Variants in POC1A observed in about 807,000 individuals in gnomAD.
POC1A encodes the protein POC1 centriolar protein A.
Under a neutral mutation model 47.8 loss-of-function variants are expected in POC1A, and 34 were observed. The ratio of observed to expected loss-of-function variants is 0.71; its 90% confidence interval spans 0.54 to 0.95. The LOEUF (loss-of-function observed/expected upper bound fraction) is 0.95. Ranked by LOEUF, POC1A falls within the 40% of genes least tolerant of loss-of-function variation. POC1A has a pLI of 0.00. For synonymous variants in POC1A, 177 were observed against 207.6 expected, an observed-to-expected ratio of 0.85 and a Z score of 1.27; for missense variants, 466 against 528.3, an observed-to-expected ratio of 0.88 and a Z score of 1.16.
At chr3:52,151,190 T>C in intron 1 of POC1A, 90 bp from the exon 2 acceptor site, 3 of 1,577,912 alleles carry the variant, frequency 1.9e-6, no homozygotes, top group Non-Finnish European at 2.6e-6. Flanking sequence ...GCCGGGGGAG[T>C]AGGGTTAAAA....
chr3:52,144,994 T>G (rs1416544326), intron 6 of POC1A, among the ~76,000 whole-genome samples: 1 of 152,108 alleles, frequency 6.6e-6, no homozygotes, highest in Non-Finnish European at 1.5e-5. Context: ...ACAACCACGG[T>G]TCTTCAAACA....
intron 7 of POC1A, among the ~76,000 whole-genome samples, chr3:52,130,455 T>A (rs1704171282): frequency 1.3e-5 from 2 of 152,224 alleles, no homozygotes; most frequent in African/African-American, 4.8e-5. Flanking sequence ...GAGGCCATCA[T>A]AACTCCACAG....
intron 9 of POC1A, among the ~76,000 whole-genome samples, chr3:52,122,028 C>G (rs1703797392): frequency 6.6e-6 from 1 of 152,184 alleles, no homozygotes; most frequent in South Asian, 2.1e-4. Flanking sequence ...CTAGGAGCCC[C>G]ACGTTTGGGT....
At chr3:52,136,283 C>A (rs1188414784) in intron 7 of POC1A, among the ~76,000 whole-genome samples, 2 of 152,146 alleles carry the variant, frequency 1.3e-5, no homozygotes, top group South Asian at 4.1e-4. Context: ...CTGACTCCCA[C>A]CTTCATCTGA....
chr3:52,080,640 G>A (rs975859422), intron 10 of POC1A, among the ~76,000 whole-genome samples: 3 of 152,172 alleles, frequency 2.0e-5, no homozygotes, highest in African/African-American at 4.8e-5. Flanking sequence ...TATAGGAACC[G>A]AAAGGACATA....
At chr3:52,111,652 TAAAAAAAAAAA>T (rs59028696) in intron 9 of POC1A, among the ~76,000 whole-genome samples, 1 of 95,180 alleles carries the variant, frequency 1.1e-5, no homozygotes, top group East Asian at 2.6e-4. Context: ...GTCTCAAAAT[TAAAAAAAAAAA>T]AAAAAAAAAA....
chr3:52,093,483 G>A (rs1386962941), intron 10 of POC1A, among the ~76,000 whole-genome samples: 1 of 152,164 alleles, frequency 6.6e-6, no homozygotes, highest in Non-Finnish European at 1.5e-5. Context: ...CTTGGATAAC[G>A]ACAATGGCAG....
At chr3:52,088,992 G>A (rs1267869751) in intron 10 of POC1A, among the ~76,000 whole-genome samples, 1 of 151,160 alleles carries the variant, frequency 6.6e-6, no homozygotes, top group Non-Finnish European at 1.5e-5. Flanking sequence ...CATCTGGCAG[G>A]CAGGGGCCTT....
chr3:52,150,083 C>CCA (rs1250868651), intron 2 of POC1A, 96 bp from the exon 3 acceptor site: 2 of 982,364 alleles, frequency 2.0e-6, no homozygotes, highest in East Asian at 4.9e-5. Flanking sequence ...TGGCCCAGCT[C>CCA]CATCTTCCCT....
At chr3:52,152,310 C>T (rs1698583314) in intron 1 of POC1A, among the ~76,000 whole-genome samples, 1 of 152,044 alleles carries the variant, frequency 6.6e-6, no homozygotes, top group Non-Finnish European at 1.5e-5. Flanking sequence ...TGGCTCACGC[C>T]TGTAATCCCA....
chr3:52,150,699 T>C (rs563513660), intron 2 of POC1A, among the ~76,000 whole-genome samples: 36 of 152,168 alleles, frequency 2.4e-4, no homozygotes, highest in African/African-American at 8.2e-4. Flanking sequence ...AAGGAGTCAC[T>C]GTTTAGGGCC....
Position 52,151,023 on chromosome 3 carries a change from C to T in POC1A, c.96G>A (p.Lys32=). 1 of 1,613,858 alleles carries T rather than the reference C, an allele frequency of 6.2e-7. No individual in the cohort carries two copies. Among genetic ancestry groups the T allele is most frequent in the Non-Finnish European group, 8.5e-7 (1 of 1,179,878 alleles). The change falls in exon 2 of 11, where the codon AAG becomes AAA. Residue 32 remains lysine, a synonymous_variant. Coordinates refer to ENST00000296484, the MANE Select transcript of POC1A (RefSeq NM_015426.5). Reference sequence around the variant, plus strand: ...CAGGGTGCCTCTTCTTACCCAGCTGCTTTGTGTTGATACTGAAGTCCACAC... The same window carrying T: ...CAGGGTGCCTCTTCTTACCCAGCTGTTTTGTGTTGATACTGAAGTCCACAC... The part of the protein sequence containing the change: ...VTCVDFSINT[K]QLASGSMDSC...
intron 6 of POC1A, among the ~76,000 whole-genome samples, chr3:52,143,025 C>T (rs1698249742): frequency 6.6e-6 from 1 of 152,092 alleles, no homozygotes; most frequent in Non-Finnish European, 1.5e-5. Context: ...CTCCGCTATC[C>T]TGTGAACACC....
Position 52,141,755 on chromosome 3 carries a change from G to A in POC1A, c.680-3453C>T, listed in dbSNP as rs532460964. 7.2e-5 allele frequency among the ~76,000 whole-genome samples: 11 copies of A among 152,186 alleles called. No homozygotes were observed. In the East Asian group the frequency reaches 7.7e-4, roughly 11 times the overall value. On this transcript the variant is annotated intron_variant, in intron 6 of 10. Transcript: ENST00000296484. Reference sequence around the variant, plus strand: ...TGTAATCCCAGCACTTTGGGAGGCCGAGGTGGGAGGACTGCTTGAGCTCAG... The same window carrying A: ...TGTAATCCCAGCACTTTGGGAGGCCAAGGTGGGAGGACTGCTTGAGCTCAG...
At chr3:52,093,601 C>T (rs1702714037) in intron 10 of POC1A, among the ~76,000 whole-genome samples, 1 of 152,200 alleles carries the variant, frequency 6.6e-6, no homozygotes, top group East Asian at 1.9e-4. Context: ...GCTCTGTGTT[C>T]CAGATTTGGA....
intron 6 of POC1A, among the ~76,000 whole-genome samples, chr3:52,140,053 G>A (rs768623768): frequency 9.2e-5 from 14 of 152,144 alleles, no homozygotes; most frequent in Non-Finnish European, 1.6e-4. Flanking sequence ...AAAACCAACC[G>A]TCATCTTAGC....
Position 52,099,921 on chromosome 3 carries a change from C to T in POC1A, c.982-3209G>A, listed in dbSNP as rs529556564. On this transcript the variant is annotated intron_variant, in intron 9 of 10. Coordinates refer to ENST00000296484, the MANE Select transcript of POC1A (RefSeq NM_015426.5). ...ACACATATACTCGTATAGGCCTACA[C>T]CAATTCAACAACATTTCACTTTTGC... Among the ~76,000 whole-genome samples the T allele has an allele frequency of 4.6e-5, 7 of 152,298 alleles. No homozygotes were observed. In the South Asian group the frequency reaches 8.3e-4, roughly 18 times the overall value.
At chr3:52,080,937 C>G (rs923074381) in intron 10 of POC1A, among the ~76,000 whole-genome samples, 18 of 152,288 alleles carry the variant, frequency 1.2e-4, no homozygotes, top group Non-Finnish European at 2.9e-5. Flanking sequence ...CCTCCCAAGT[C>G]AAGGCCCTCA....
chr3:52,151,182 C>CG, intron 1 of POC1A, 82 bp from the exon 2 acceptor site: 2 of 1,590,236 alleles, frequency 1.3e-6, no homozygotes, highest in Admixed American at 1.8e-5. Context: ...CTACAACAGC[C>CG]GGGGGAGTAG....
Sources: allele counts gnomAD v4.1 joint callset (sites outside exome capture counted in the v4.1 genomes callset), GRCh38; gene constraint gnomAD v4.1.1; transcripts MANE v1.5; gene names NCBI Gene and HGNC (gene_info 2026-07-23, HGNC 2026-07-21).